Variants in SIPA1L1 observed in about 807,000 individuals in gnomAD.
The protein encoded by SIPA1L1 is signal-induced proliferation-associated 1-like protein 1.
Under a neutral mutation model 162.7 loss-of-function variants are expected in SIPA1L1, and 26 were observed. That is an observed-to-expected ratio of 0.16 (90% confidence interval 0.12 to 0.22). The LOEUF (loss-of-function observed/expected upper bound fraction) is 0.22, where lower values mean the gene tolerates loss of function less well. Among genes scored for constraint, SIPA1L1 ranks in the 10% least tolerant of loss-of-function variants. The pLI, the probability that SIPA1L1 is intolerant of heterozygous loss-of-function variation, is 1.00. For synonymous variants in SIPA1L1, 829 were observed against 837.4 expected (o/e 0.99, Z 0.17); for missense variants, 1,874 against 2,241.0 (o/e 0.84, Z 3.31).
At chr14:71,632,926 T>C (rs909505577) in intron 7 of SIPA1L1, among the ~76,000 whole-genome samples, 1 of 152,288 alleles carries the variant, frequency 6.6e-6, no homozygotes, top group African/African-American at 2.4e-5. Context: ...CGTAAGTTAA[T>C]ATCCAAAATG....
At chr14:71,378,758 T>C (rs1410282612) in intron 2 of SIPA1L1, among the ~76,000 whole-genome samples, 4 of 152,222 alleles carry the variant, frequency 2.6e-5, no homozygotes, top group Non-Finnish European at 2.9e-5. Flanking sequence ...ATTGTCCTTT[T>C]TTTATTATGT....
rs56265408 is a variant in SIPA1L1 at position 71,468,005 on chromosome 14, GGTGTGTGTGTGT to G, written c.-464-44707_-464-44696del. On this transcript the variant is annotated intron_variant, in intron 2 of 23. Coordinates refer to ENST00000381232, the MANE Select transcript of SIPA1L1 (RefSeq NM_001386936.1). ...CATAAAGGGGAAAAGCAGTTAGAGGGGTGTGTGTGTGTGTGTGTGTGTGTGTGTGTGTGTGTG... is the reference window on the plus strand; with the variant it reads ...CATAAAGGGGAAAAGCAGTTAGAGGGGTGTGTGTGTGTGTGTGTGTGTGTG... 5.9e-3 allele frequency among the ~76,000 whole-genome samples: 835 copies of G among 141,702 alleles called. 5 individuals are homozygous for G. Among genetic ancestry groups the G allele is most frequent in the Non-Finnish European group, 7.1e-3 (460 of 65,218 alleles). The allele number at this position is 141,702 out of a possible 152,430, so 93.0% of individuals were successfully genotyped here.
intron 2 of SIPA1L1, among the ~76,000 whole-genome samples, chr14:71,424,212 C>A (rs1374413987): frequency 6.6e-6 from 1 of 152,040 alleles, no homozygotes; most frequent in East Asian, 1.9e-4. Context: ...AAGATTATAT[C>A]ACCTGTGGAC....
intron 3 of SIPA1L1, among the ~76,000 whole-genome samples, chr14:71,522,047 C>T (rs2052409831): frequency 6.6e-6 from 1 of 152,134 alleles, no homozygotes; most frequent in South Asian, 2.1e-4. Context: ...ATGGTAAAAT[C>T]TTGGTTTTGT....
At chr14:71,499,952 G>T (rs540465753) in intron 2 of SIPA1L1, among the ~76,000 whole-genome samples, 26 of 152,162 alleles carry the variant, frequency 1.7e-4, no homozygotes, top group Non-Finnish European at 2.2e-4. Flanking sequence ...AAGCCCTAAG[G>T]TTCTTTTTTA....
chr14:71,710,822 AAAAG>A (rs1281881603), intron 17 of SIPA1L1, among the ~76,000 whole-genome samples: 47 of 151,264 alleles, frequency 3.1e-4, no homozygotes, highest in East Asian at 1.7e-3. Flanking sequence ...AAAAAAAAAA[AAAAG>A]AAAGAAAGAA....
intron 7 of SIPA1L1, among the ~76,000 whole-genome samples, chr14:71,645,510 AT>A (rs2042079407): frequency 6.6e-6 from 1 of 152,236 alleles, no homozygotes; most frequent in Non-Finnish European, 1.5e-5. Flanking sequence ...TAGGCAACAG[AT>A]GCTTTATATA....
intron 2 of SIPA1L1, among the ~76,000 whole-genome samples, chr14:71,349,962 G>T (rs1444442744): frequency 6.6e-6 from 1 of 152,184 alleles, no homozygotes; most frequent in African/African-American, 2.4e-5. Flanking sequence ...TTTTGAAGAG[G>T]TGATACTGCT....
Position 71,685,492 on chromosome 14 carries a change from C to T in SIPA1L1, c.3235C>T (p.Pro1079Ser). The change falls in exon 13 of 24, where the codon CCT becomes TCT. Residue 1079 changes from proline (P) to serine (S), a missense_variant. Pro to Ser is a moderately conservative substitution (Grantham distance 74). Transcript: ENST00000381232. ...GAACGCCAGCAAGGGGCCTCATTCA[C>T]CTCAAGTCCCGTCCCAGGTGCAGAG... Reference protein sequence around the residue: ...QRNASKGPHSPQVPSQVQSPM... With the variant: ...QRNASKGPHSSQVPSQVQSPM... The T allele has an allele frequency of 6.2e-7, 1 of 1,614,200 alleles. No individual in the cohort carries two copies. Among genetic ancestry groups the T allele is most frequent in the South Asian group, 1.1e-5 (1 of 91,084 alleles).
chr14:71,499,758 G>C (rs1312052824), intron 2 of SIPA1L1, among the ~76,000 whole-genome samples: 2 of 151,968 alleles, frequency 1.3e-5, no homozygotes. Flanking sequence ...GATTTGTTTT[G>C]TTTCACATTA....
In SIPA1L1 at chr14:71,735,292, T is replaced by C; in HGVS notation, c.5024T>C (p.Phe1675Ser). The C allele has an allele frequency of 6.2e-7, 1 of 1,613,826 alleles. No individual in the cohort carries two copies. Among genetic ancestry groups the C allele is most frequent in the Non-Finnish European group, 8.5e-7 (1 of 1,179,688 alleles). ...AKAYEVQRAS[F>S]FAASDENHRP... is the part of the protein sequence containing the mutation. ...TCCTTTCCAGTCCAGAGAGCCTCAT[T>C]TTTTGCTGCTAGTGATGAAAACCAT... The change falls in exon 22 of 24, where the codon TTT (phenylalanine) becomes TCT (serine). Residue 1675 changes from phenylalanine (F) to serine (S), a missense_variant. Physicochemically the swap from Phe to Ser is radical, Grantham distance 155 (BLOSUM62 -2). Coordinates refer to ENST00000381232, the MANE Select transcript of SIPA1L1 (RefSeq NM_001386936.1).
At chr14:71,634,875 G>A (rs1197435610) in intron 7 of SIPA1L1, among the ~76,000 whole-genome samples, 1 of 151,954 alleles carries the variant, frequency 6.6e-6, no homozygotes, top group African/African-American at 2.4e-5. Flanking sequence ...GGCGGAGCTT[G>A]CAGTGAGCAG....
At chr14:71,499,155 T>C (rs2050008580) in intron 2 of SIPA1L1, among the ~76,000 whole-genome samples, 1 of 152,182 alleles carries the variant, frequency 6.6e-6, no homozygotes, top group African/African-American at 2.4e-5. Context: ...TTATTATAAA[T>C]AAAACTTGAT....
chr14:71,450,689 G>A (rs2045750130), intron 2 of SIPA1L1, among the ~76,000 whole-genome samples: 1 of 152,064 alleles, frequency 6.6e-6, no homozygotes, highest in East Asian at 1.9e-4. Context: ...ATTAAAACCT[G>A]TTAGAATGGC....
At chr14:71,355,086 C>T (rs964187126) in intron 2 of SIPA1L1, among the ~76,000 whole-genome samples, 2 of 152,156 alleles carry the variant, frequency 1.3e-5, no homozygotes, top group East Asian at 1.9e-4. Context: ...AACGTGTAAG[C>T]GATCTTTATA....
At chr14:71,582,512 T>C (rs2034072459) in intron 4 of SIPA1L1, among the ~76,000 whole-genome samples, 1 of 152,176 alleles carries the variant, frequency 6.6e-6, no homozygotes, top group African/African-American at 2.4e-5. Flanking sequence ...CACTGAACTT[T>C]TTTAGCTACG....
In SIPA1L1 at chr14:71,588,235, T is replaced by C; in HGVS notation, c.363T>C (p.Ser121=). Residue 121 remains serine (S), a synonymous_variant, in exon 5 of 24, where the codon TCT becomes TCC. Coordinates refer to ENST00000381232, the MANE Select transcript of SIPA1L1 (RefSeq NM_001386936.1). The surrounding 1 kb of genome is among the most constrained non-coding windows in gnomAD (Gnocchi z 4.3). ...SKSSPVSQGS[S]VSLNSNDSAM... is the part of the protein sequence containing the mutation. ...GCAGTCCTGTGAGTCAGGGAAGTTC[T>C]GTTAGCCTCAATTCCAATGACTCAG... 6.2e-7 allele frequency: 1 copy of C among 1,614,154 alleles called. No homozygotes were observed. The highest frequency in any genetic ancestry group is 8.5e-7 in the Non-Finnish European group (1 of 1,179,986).
chr14:71,704,797 A>G, intron 15 of SIPA1L1: 27 of 1,590,248 alleles, frequency 1.7e-5, no homozygotes, highest in Non-Finnish European at 2.3e-5. Context: ...AAATATTTCC[A>G]AAGTGTCATG....
At chr14:71,509,149 G>A (rs1405178547) in intron 2 of SIPA1L1, among the ~76,000 whole-genome samples, 6 of 152,114 alleles carry the variant, frequency 3.9e-5, no homozygotes, top group African/African-American at 1.2e-4. Context: ...GTTTGTCCTC[G>A]TGCTGTTTCC....
Sources: allele counts gnomAD v4.1 joint callset (sites outside exome capture counted in the v4.1 genomes callset), GRCh38; gene constraint gnomAD v4.1.1; non-coding constraint Gnocchi (gnomAD v3.1); transcripts MANE v1.5; gene names NCBI Gene and HGNC (gene_info 2026-07-23, HGNC 2026-07-21).